PDSS2: variants seen among roughly 807,000 people sequenced by gnomAD.
PDSS2 encodes the protein all trans-polyprenyl-diphosphate synthase PDSS2.
Under a neutral mutation model 44.5 loss-of-function variants are expected in PDSS2, and 31 were observed. The observed-to-expected ratio is 0.70, with a 90% CI of 0.52 to 0.94. PDSS2 has a LOEUF of 0.94. Among genes scored for constraint, PDSS2 ranks in the 40% least tolerant of loss-of-function variants. The pLI is 0.00. For missense variants in PDSS2, 452 were observed against 482.2 expected, an observed-to-expected ratio of 0.94 and a Z score of 0.59; for synonymous variants, 157 against 180.3, an observed-to-expected ratio of 0.87 and a Z score of 1.03.
rs1448502425 is a variant in PDSS2, at chr6:107,447,059, C to T, written c.296+11931G>A. On this transcript the variant is annotated intron_variant, in intron 1 of 7. Transcript: ENST00000369037. ...GCCTATAAAATCAAAAGCGGCCGGG[C>T]GCAGTGGCTCACGCCTGTAATCCCA... 3.9e-5 allele frequency among the ~76,000 whole-genome samples: 6 copies of T among 152,114 alleles called. 1 individual carries two copies. Among genetic ancestry groups the T allele is most frequent in the African/African-American group, 7.2e-5 (3 of 41,412 alleles).
chr6:107,442,704 C>T (rs1583091923), intron 1 of PDSS2, among the ~76,000 whole-genome samples: 1 of 152,194 alleles, frequency 6.6e-6, no homozygotes, highest in African/African-American at 2.4e-5. Context: ...CATACTTCTG[C>T]TAGTATCTCA....
At chr6:107,161,200 G>T (rs1002683679) in intron 7 of PDSS2, among the ~76,000 whole-genome samples, 27 of 151,344 alleles carry the variant, frequency 1.8e-4, no homozygotes, top group African/African-American at 6.5e-4. Flanking sequence ...GTACTTTTTG[G>T]CCGGGCGCGG....
intron 2 of PDSS2, among the ~76,000 whole-genome samples, chr6:107,288,077 G>A (rs1562437211): frequency 6.6e-6 from 1 of 151,140 alleles, no homozygotes; most frequent in Admixed American, 6.6e-5. Context: ...TCCAACTCCT[G>A]GCCTGAAGCA....
chr6:107,297,354 T>C (rs60031153), intron 2 of PDSS2, among the ~76,000 whole-genome samples: 26,008 of 152,030 alleles, frequency 0.17, 2,425 homozygotes, highest in South Asian at 0.2. Flanking sequence ...CTGGAAAACA[T>C]GTAAACAGTA....
At chr6:107,296,321 G>A (rs942241422) in intron 2 of PDSS2, among the ~76,000 whole-genome samples, 1 of 152,176 alleles carries the variant, frequency 6.6e-6, no homozygotes, top group Non-Finnish European at 1.5e-5. Flanking sequence ...TACTAAGGGA[G>A]TAAGGCATTT....
chr6:107,336,619 G>C (rs1335566899), intron 1 of PDSS2, among the ~76,000 whole-genome samples: 1 of 151,892 alleles, frequency 6.6e-6, no homozygotes, highest in Non-Finnish European at 1.5e-5. Flanking sequence ...CGGCGGTTAA[G>C]AGGCATCCTA....
At chr6:107,429,287 C>T (rs929799267) in intron 1 of PDSS2, among the ~76,000 whole-genome samples, 1 of 152,106 alleles carries the variant, frequency 6.6e-6, no homozygotes, top group African/African-American at 2.4e-5. Context: ...GGAAAGAAGC[C>T]ATGCACAAGC....
At chr6:107,437,028 GCT>G (rs1781370486) in intron 1 of PDSS2, among the ~76,000 whole-genome samples, 2 of 151,294 alleles carry the variant, frequency 1.3e-5, no homozygotes, top group South Asian at 4.2e-4. Context: ...ACACAGTCTT[GCT>G]CTGTCACTCA....
chr6:107,170,430 G>A (rs1966289), intron 7 of PDSS2, among the ~76,000 whole-genome samples: 105,519 of 152,060 alleles, frequency 0.69, 37,009 homozygotes, highest in African/African-American at 0.74. Context: ...CTTCCTGGGT[G>A]AGGCAATGCC....
chr6:107,395,455 A>G (rs1779911598), intron 1 of PDSS2, among the ~76,000 whole-genome samples: 1 of 152,188 alleles, frequency 6.6e-6, no homozygotes, highest in South Asian at 2.1e-4. Flanking sequence ...GAAGCTCTAT[A>G]CATTTTTTCA....
In PDSS2 at chr6:107,390,231, T is replaced by C. The variant is rs1394186949; in HGVS notation, c.297-55899A>G. Among the ~76,000 whole-genome samples, 8 of 152,076 alleles carry C rather than the reference T, an allele frequency of 5.3e-5. No individual in the cohort carries two copies. The East Asian group carries it at 5.8e-4, about 11-fold the overall frequency. On this transcript the variant is annotated intron_variant, in intron 1 of 7. Coordinates refer to ENST00000369037, the MANE Select transcript of PDSS2 (RefSeq NM_020381.4). The stretch of plus-strand genomic sequence containing the variant: ...ATGAGGTATGGGGATAACATTACAG[T>C]AGAGAAATCTGCCAGACACTACCTT...
In PDSS2 at chr6:107,153,895, G is replaced by T. The variant is rs782123845; in HGVS notation, c.*724C>A. ...GTTCGAGACTAGCCTGACCAACATA[G>T]TGAAACCCCATCTCTACTAAAAATA... On this transcript the variant is annotated 3_prime_UTR_variant, in exon 8 of 8. Transcript: ENST00000369037. The T allele has an allele frequency of 6.6e-6, 1 of 152,432 alleles. No homozygotes were observed. The highest frequency in any genetic ancestry group is 1.5e-5 in the Non-Finnish European group (1 of 68,324). The allele number at this position is 152,432 out of a possible 1,614,324, so 9.4% of individuals were successfully genotyped here. A position where few individuals can be genotyped will look rare whatever the true frequency, so the allele number is the denominator to read the frequency against.
rs1235870062 is a variant in PDSS2 at position 107,212,220 on chromosome 6, A to G, written c.765T>C (p.His255=). The G allele has an allele frequency of 6.2e-7, 1 of 1,613,816 alleles. No homozygotes were observed. Among genetic ancestry groups the G allele is most frequent in the Admixed American group, 1.7e-5 (1 of 60,026 alleles). The change falls in exon 5 of 8, where the codon CAT becomes CAC. Residue 255 remains histidine (H), a synonymous_variant. Coordinates refer to ENST00000369037, the MANE Select transcript of PDSS2 (RefSeq NM_020381.4). ...GGCAGCTCTTTGCTAGTAAGGCACC[A>G]TGGGAGAGAAAAGTCTGCTCCTTCC... ...STWKEQTFLS[H]GALLAKSCQA... is the part of the protein sequence containing the mutation.
intron 1 of PDSS2, among the ~76,000 whole-genome samples, chr6:107,357,465 T>C (rs1178335141): frequency 6.6e-6 from 1 of 151,968 alleles, no homozygotes; most frequent in East Asian, 1.9e-4. Flanking sequence ...AATCTCAAAA[T>C]AAAAGCTTTC....
chr6:107,345,857 T>C (rs1778226565), intron 1 of PDSS2, among the ~76,000 whole-genome samples: 1 of 152,050 alleles, frequency 6.6e-6, no homozygotes, highest in Non-Finnish European at 1.5e-5. Context: ...CATGAGGAAA[T>C]CGGAAGTGAC....
chr6:107,432,144 G>A (rs1781211176), intron 1 of PDSS2, among the ~76,000 whole-genome samples: 1 of 152,144 alleles, frequency 6.6e-6, no homozygotes, highest in Admixed American at 6.5e-5. Flanking sequence ...AAGCAAACAG[G>A]TGGCAGAATA....
chr6:107,163,901 C>G (rs1009143430), intron 7 of PDSS2, among the ~76,000 whole-genome samples: 4 of 152,298 alleles, frequency 2.6e-5, no homozygotes, highest in Non-Finnish European at 4.4e-5. Context: ...TCACGCCCAG[C>G]TGATCTTGTT....
rs528143950 is a variant in PDSS2 at position 107,162,313 on chromosome 6, G to A, written c.1042-7536C>T. Among the ~76,000 whole-genome samples the A allele has an allele frequency of 3.3e-5, 5 of 151,968 alleles. No individual in the cohort carries two copies. The East Asian group carries it at 7.8e-4, about 24-fold the overall frequency. ...GGAGTGAGACCAGCCTGGCCAACATGGTGTAACCCCATCTCTACTAAAAAC... is the reference window on the plus strand; with the variant it reads ...GGAGTGAGACCAGCCTGGCCAACATAGTGTAACCCCATCTCTACTAAAAAC... On this transcript the variant is annotated intron_variant, in intron 7 of 7. Transcript: ENST00000369037.
At chr6:107,184,027 AGAAAAAAT>A (rs1279899642) in intron 7 of PDSS2, among the ~76,000 whole-genome samples, 3 of 152,178 alleles carry the variant, frequency 2.0e-5, no homozygotes, top group Admixed American at 6.6e-5. Flanking sequence ...AACAAAGCAA[AGAAAAAAT>A]ACATCTTTGC....
Sources: allele counts gnomAD v4.1 joint callset (sites outside exome capture counted in the v4.1 genomes callset), GRCh38; gene constraint gnomAD v4.1.1; transcripts MANE v1.5; gene names NCBI Gene and HGNC (gene_info 2026-07-23, HGNC 2026-07-21).